CTTNBP2: variants seen among roughly 807,000 people sequenced by gnomAD.
The protein encoded by CTTNBP2 is cortactin binding protein 2.
CTTNBP2 carries 108 observed loss-of-function variants against 156.9 expected under a neutral mutation model. The ratio of observed to expected loss-of-function variants is 0.69; its 90% CI spans 0.59 to 0.81. The LOEUF is 0.81. Among genes scored for constraint, CTTNBP2 ranks in the 30% least tolerant of loss-of-function variants. The probability of loss-of-function intolerance (pLI) is 0.00; values close to 1 mark genes in which losing one functional copy is unlikely to be tolerated. For missense variants in CTTNBP2, 1,924 were observed against 2,035.4 expected (o/e 0.95, Z 1.05); for synonymous variants, 767 against 751.8 (o/e 1.02, Z -0.33).
chr7:117,741,441 C>A (rs1352586230), intron 14 of CTTNBP2, among the ~76,000 whole-genome samples: 1 of 152,158 alleles, frequency 6.6e-6, no homozygotes, highest in African/African-American at 2.4e-5. Flanking sequence ...GAATAAAAAT[C>A]CTTCTGTATG....
intron 2 of CTTNBP2, among the ~76,000 whole-genome samples, chr7:117,813,801 A>G (rs1195875369): frequency 6.6e-6 from 1 of 152,204 alleles, no homozygotes. Flanking sequence ...CAGGACTCAC[A>G]GCACAATTCT....
intron 2 of CTTNBP2, among the ~76,000 whole-genome samples, chr7:117,855,473 C>G (rs1803240462): frequency 6.6e-6 from 1 of 152,146 alleles, no homozygotes; most frequent in South Asian, 2.1e-4. Context: ...CTCCTTAAAA[C>G]AGCATTTCCC....
intron 12 of CTTNBP2, among the ~76,000 whole-genome samples, chr7:117,752,630 A>T (rs146531893): frequency 1.0e-3 from 157 of 152,284 alleles, no homozygotes; most frequent in African/African-American, 3.6e-3. Flanking sequence ...AAGGGTTTTA[A>T]CACATGCATT....
At chr7:117,787,705 T>C (rs192378467) in intron 4 of CTTNBP2, among the ~76,000 whole-genome samples, 1 of 152,344 alleles carries the variant, frequency 6.6e-6, no homozygotes, top group East Asian at 1.9e-4. Flanking sequence ...TTAAGAATGT[T>C]ATTAAAAAAT....
At chr7:117,718,967 C>T (rs1402597661) in intron 21 of CTTNBP2, among the ~76,000 whole-genome samples, 9 of 152,092 alleles carry the variant, frequency 5.9e-5, no homozygotes, top group Admixed American at 1.3e-4. Context: ...GAGGCTGAGG[C>T]GGGCAGGTCA....
Position 117,760,530 on chromosome 7 carries a change from G to A in CTTNBP2, c.3077C>T (p.Ser1026Phe), listed in dbSNP as rs2116649821. ...ALTNHFQAIS[S>F]DGWWSLEDVT... ...GTCTTCCAGACTCCACCATCCATCAGAAGAGATTGCCTGGAAATGATTTGT... is the reference window on the plus strand; with the variant it reads ...GTCTTCCAGACTCCACCATCCATCAAAAGAGATTGCCTGGAAATGATTTGT... The change falls in exon 10 of 23, where the codon TCT (serine) becomes TTT (phenylalanine). Residue 1026 changes from serine (S) to phenylalanine (F), a missense_variant. Transcript: ENST00000160373. 9.9e-6 allele frequency: 16 copies of A among 1,614,132 alleles called. No homozygotes were observed. The highest frequency in any genetic ancestry group is 1.4e-5 in the Non-Finnish European group (16 of 1,180,004).
intron 2 of CTTNBP2, among the ~76,000 whole-genome samples, chr7:117,860,166 G>A (rs1803615672): frequency 6.6e-6 from 1 of 151,754 alleles, no homozygotes; most frequent in Non-Finnish European, 1.5e-5. Flanking sequence ...TATCCTTCTT[G>A]GCCAAATGAC....
chr7:117,786,800 T>C (rs1267199629), intron 4 of CTTNBP2, among the ~76,000 whole-genome samples: 6 of 152,198 alleles, frequency 3.9e-5, no homozygotes, highest in Non-Finnish European at 8.8e-5. Context: ...CTGCCTTATA[T>C]GGAAATATTC....
At chr7:117,811,371 G>A (rs926501795) in intron 2 of CTTNBP2, among the ~76,000 whole-genome samples, 2 of 151,806 alleles carry the variant, frequency 1.3e-5, no homozygotes, top group Admixed American at 1.3e-4. Flanking sequence ...CACAATCACA[G>A]CTCACTGCAG....
At chr7:117,740,959 GTGAAC>G (rs1795978417) in intron 14 of CTTNBP2, among the ~76,000 whole-genome samples, 1 of 152,166 alleles carries the variant, frequency 6.6e-6, no homozygotes, top group Non-Finnish European at 1.5e-5. Context: ...GGAGATGAGG[GTGAAC>G]TGCAGCAGGA....
intron 12 of CTTNBP2, among the ~76,000 whole-genome samples, chr7:117,750,800 C>A (rs778741595): frequency 2.4e-4 from 37 of 152,240 alleles, no homozygotes; most frequent in South Asian, 6.2e-4. Flanking sequence ...CAGCAGAGGG[C>A]TCTAAAGATA....
At chr7:117,804,265 G>A (rs1799797030) in intron 3 of CTTNBP2, among the ~76,000 whole-genome samples, 2 of 152,028 alleles carry the variant, frequency 1.3e-5, no homozygotes, top group African/African-American at 4.8e-5. Context: ...ACCCAACCAA[G>A]CCTGGCTTCA....
At chr7:117,831,083 T>A (rs974366681) in intron 2 of CTTNBP2, among the ~76,000 whole-genome samples, 1 of 152,244 alleles carries the variant, frequency 6.6e-6, no homozygotes, top group Non-Finnish European at 1.5e-5. Context: ...TTCAAGCACT[T>A]AAGAGATAAA....
intron 2 of CTTNBP2, among the ~76,000 whole-genome samples, chr7:117,820,711 T>C (rs1800908177): frequency 2.6e-5 from 4 of 152,258 alleles, no homozygotes; most frequent in South Asian, 2.1e-4. Flanking sequence ...GGATTCTTTA[T>C]TCTATTCCAT....
At position 117,873,423 on chromosome 7, in the gene CTTNBP2, C is replaced by A; in HGVS notation, c.-8G>T. 6.7e-7 allele frequency: 1 copy of A among 1,484,294 alleles called. No homozygotes were observed. The highest frequency in any genetic ancestry group is 8.9e-7 in the Non-Finnish European group (1 of 1,123,020). 91.9% of individuals were successfully genotyped at this position (1,484,294 alleles called of 1,614,324 possible). Reference sequence around the variant, plus strand: ...CGCGCCGTCCGTCGCCATCTTCCTGCTCTAGCGGATCCGAATGCGAGCTCG... The same window carrying A: ...CGCGCCGTCCGTCGCCATCTTCCTGATCTAGCGGATCCGAATGCGAGCTCG... On this transcript the variant is annotated 5_prime_UTR_variant, in exon 1 of 23. Coordinates refer to ENST00000160373, the MANE Select transcript of CTTNBP2 (RefSeq NM_033427.3).
At chr7:117,824,242 G>T (rs1377028436) in intron 2 of CTTNBP2, among the ~76,000 whole-genome samples, 5 of 150,706 alleles carry the variant, frequency 3.3e-5, no homozygotes. Flanking sequence ...AATATTTTAA[G>T]ATTATTCTTG....
In CTTNBP2 at chr7:117,711,382, TAC is replaced by T. The variant is rs574767128; in HGVS notation, c.*153_*154del. The stretch of plus-strand genomic sequence containing the variant: ...AAAGCAACAAAATGTTGGTTATAAA[TAC>T]ATTCTTTACAAAAAAAAATTGAATA... On this transcript the variant is annotated 3_prime_UTR_variant, in exon 23 of 23. Coordinates refer to ENST00000160373, the MANE Select transcript of CTTNBP2 (RefSeq NM_033427.3). 7.4e-5 allele frequency: 58 copies of T among 782,908 alleles called. No homozygotes were observed. In the East Asian group the frequency reaches 1.3e-3, roughly 17 times the overall value. The allele number at this position is 782,908 out of a possible 1,614,324, so 48.5% of individuals were successfully genotyped here.
At chr7:117,866,247 G>A (rs962425869) in intron 1 of CTTNBP2, among the ~76,000 whole-genome samples, 5 of 152,130 alleles carry the variant, frequency 3.3e-5, no homozygotes, top group South Asian at 2.1e-4. Context: ...CTAGGTTTAT[G>A]TGGGGAATTC....
At chr7:117,789,495 T>C (rs1798877251) in intron 4 of CTTNBP2, among the ~76,000 whole-genome samples, 1 of 152,158 alleles carries the variant, frequency 6.6e-6, no homozygotes, top group African/African-American at 2.4e-5. Flanking sequence ...GTAGCAAAAT[T>C]CCTCTCTGAG....
Sources: allele counts gnomAD v4.1 joint callset (sites outside exome capture counted in the v4.1 genomes callset), GRCh38; gene constraint gnomAD v4.1.1; transcripts MANE v1.5; gene names NCBI Gene and HGNC (gene_info 2026-07-23, HGNC 2026-07-21).